The following MYO18B variants were observed in gnomAD, a reference collection of about 807,000 sequenced individuals.
The protein encoded by MYO18B is unconventional myosin-XVIIIb.
MYO18B carries 204 observed loss-of-function variants against 273.0 expected under a neutral mutation model. That is an observed-to-expected ratio of 0.75 (90% CI 0.67 to 0.84). MYO18B has a LOEUF of 0.84. MYO18B is among the 40% of genes least tolerant of loss of function. The pLI, the probability that MYO18B is intolerant of heterozygous loss-of-function variation, is 0.00. For missense variants in MYO18B, 3,212 were observed against 3,287.6 expected (o/e 0.98, Z 0.56); for synonymous variants, 1,330 against 1,305.7 (o/e 1.02, Z -0.40).
At chr22:25,848,303 G>C (rs929674175) in intron 20 of MYO18B, among the ~76,000 whole-genome samples, 4 of 152,160 alleles carry the variant, frequency 2.6e-5, no homozygotes, top group African/African-American at 9.7e-5. Flanking sequence ...GCCTAAAGGA[G>C]GGAGCTTCCT....
At chr22:25,951,865 G>T (rs2092796087) in intron 37 of MYO18B, among the ~76,000 whole-genome samples, 1 of 152,198 alleles carries the variant, frequency 6.6e-6, no homozygotes, top group Non-Finnish European at 1.5e-5. Context: ...CTCAAGGAAA[G>T]GAACTGACTT....
intron 33 of MYO18B, among the ~76,000 whole-genome samples, chr22:25,920,319 A>G (rs1275087525): frequency 6.6e-6 from 1 of 152,186 alleles, no homozygotes; most frequent in African/African-American, 2.4e-5. Context: ...TCTTTCAGAG[A>G]TGTTAACACG....
At chr22:26,008,936 C>T (rs1400293134) in intron 42 of MYO18B, among the ~76,000 whole-genome samples, 1 of 152,204 alleles carries the variant, frequency 6.6e-6, no homozygotes, top group African/African-American at 2.4e-5. Context: ...TCTAGATCCT[C>T]ACCCCAAGCC....
chr22:26,026,863 G>A lies in MYO18B; in HGVS notation c.6889G>A (p.Asp2297Asn). Reference protein sequence around the residue: ...STLRRGRAGSDEGNLSLRVGA... With the variant: ...STLRRGRAGSNEGNLSLRVGA... Reference sequence around the variant, plus strand: ...ACTAAGGAGGGGCAGGGCTGGCAGTGACGAGGGAAACCTCTCGCTGAGGGT... The same window carrying A: ...ACTAAGGAGGGGCAGGGCTGGCAGTAACGAGGGAAACCTCTCGCTGAGGGT... Residue 2297 changes from aspartate to asparagine, a missense_variant, in exon 43 of 44, where the codon GAC (aspartate) becomes AAC (asparagine). By Grantham distance (23) the Asp-to-Asn change is conservative. Transcript: ENST00000335473. 2 of 1,595,654 alleles carry A rather than the reference G, an allele frequency of 1.3e-6. No individual in the cohort carries two copies. Among genetic ancestry groups the A allele is most frequent in the Non-Finnish European group, 1.7e-6 (2 of 1,170,702 alleles).
intron 1 of MYO18B, among the ~76,000 whole-genome samples, chr22:25,752,961 G>C (rs899626793): frequency 1.4e-4 from 22 of 152,216 alleles, no homozygotes; most frequent in Admixed American, 1.4e-3. Context: ...CAGCTGCGGA[G>C]GGTGCGCTGG....
At chr22:25,818,923 G>A (rs562944100) in intron 12 of MYO18B, among the ~76,000 whole-genome samples, 1 of 152,132 alleles carries the variant, frequency 6.6e-6, no homozygotes, top group East Asian at 1.9e-4. Context: ...CCGTGTACCT[G>A]GCTTTGTGCG....
chr22:25,889,027 T>A (rs940870115), intron 25 of MYO18B, among the ~76,000 whole-genome samples: 6 of 151,922 alleles, frequency 3.9e-5, no homozygotes, highest in African/African-American at 1.2e-4. Context: ...TGGAGTTCCC[T>A]GTGAGCCCAT....
chr22:25,988,784 C>T (rs781682614), intron 39 of MYO18B, among the ~76,000 whole-genome samples: 13 of 152,148 alleles, frequency 8.5e-5, no homozygotes, highest in Non-Finnish European at 1.5e-4. Flanking sequence ...ATTTACTCCT[C>T]GCAAAAGCCC....
At chr22:25,831,465 C>T (rs112839653) in intron 15 of MYO18B, among the ~76,000 whole-genome samples, 4,034 of 152,262 alleles carry the variant, frequency 0.026, 153 homozygotes, top group African/African-American at 0.093. Flanking sequence ...TCACTGCAAC[C>T]TCTGCCTCCC....
chr22:25,941,741 G>T (rs561585125), intron 34 of MYO18B, among the ~76,000 whole-genome samples: 20 of 152,258 alleles, frequency 1.3e-4, no homozygotes, highest in Non-Finnish European at 2.5e-4. Flanking sequence ...GGCCTGCCCC[G>T]TGGAGGTCTT....
At chr22:25,850,761 C>T (rs981095447) in intron 20 of MYO18B, among the ~76,000 whole-genome samples, 37 of 152,112 alleles carry the variant, frequency 2.4e-4, no homozygotes, top group African/African-American at 7.2e-4. Flanking sequence ...TTGTAGACAC[C>T]GTGCCCAGCC....
chr22:25,993,201 C>T (rs570731852), intron 40 of MYO18B, among the ~76,000 whole-genome samples: 1 of 152,104 alleles, frequency 6.6e-6, no homozygotes, highest in East Asian at 1.9e-4. Context: ...TTGAGGTATC[C>T]CAGCTGGGCA....
chr22:25,994,998 G>A (rs2331198), intron 40 of MYO18B, among the ~76,000 whole-genome samples: 24,344 of 152,196 alleles, frequency 0.16, 2,106 homozygotes, highest in African/African-American at 0.19. Flanking sequence ...TGAAGGGTGG[G>A]TGACAGGCTG....
In MYO18B at chr22:25,790,196, A is replaced by C. The variant is rs1015285323; in HGVS notation, c.2376+4705A>C. On this transcript the variant is annotated intron_variant, in intron 11 of 43. Transcript: ENST00000335473. ...TTCACAAATATTATTTTTAATGACC[A>C]GACATTCATGGAGGGGACGTGGTTC... 2.0e-5 allele frequency among the ~76,000 whole-genome samples: 3 copies of C among 152,354 alleles called. No homozygotes were observed. The East Asian group carries it at 5.8e-4, about 29-fold the overall frequency.
At chr22:25,982,121 A>G (rs1185650718) in intron 39 of MYO18B, among the ~76,000 whole-genome samples, 2 of 152,202 alleles carry the variant, frequency 1.3e-5, no homozygotes, top group Non-Finnish European at 2.9e-5. Context: ...GAGAGCAGCA[A>G]AGGGGAAATC....
chr22:25,845,545 C>T (rs1235435777), intron 18 of MYO18B, among the ~76,000 whole-genome samples: 8 of 152,192 alleles, frequency 5.3e-5, no homozygotes, highest in East Asian at 3.9e-4. Context: ...ACAACAAAAA[C>T]GAAAAGCTAG....
At chr22:25,871,399 C>T (rs763002689) in intron 22 of MYO18B, among the ~76,000 whole-genome samples, 1 of 152,186 alleles carries the variant, frequency 6.6e-6, no homozygotes, top group African/African-American at 2.4e-5. Context: ...AGCAGGATAA[C>T]ATTTTAATGT....
intron 25 of MYO18B, among the ~76,000 whole-genome samples, chr22:25,881,531 A>G (rs948246403): frequency 1.3e-5 from 2 of 152,342 alleles, no homozygotes; most frequent in Admixed American, 1.3e-4. Flanking sequence ...TTCCCTGTAG[A>G]AATTCCTTCC....
At chr22:26,041,064 G>T in the MYO18B span, among the ~76,000 whole-genome samples, 1 of 152,184 alleles carries the variant, frequency 6.6e-6, no homozygotes, top group Admixed American at 6.5e-5. Context: ...CCCACGGTCC[G>T]TGGGACTCCT....
Sources: allele counts gnomAD v4.1 joint callset (sites outside exome capture counted in the v4.1 genomes callset), GRCh38; gene constraint gnomAD v4.1.1; transcripts MANE v1.5; gene names NCBI Gene and HGNC (gene_info 2026-07-23, HGNC 2026-07-21).